ADAMTS6: variants seen among roughly 807,000 people sequenced by gnomAD.
ADAMTS6 encodes ADAM metallopeptidase with thrombospondin type 1 motif 6.
In ADAMTS6, 23 loss-of-function variants were observed where a neutral mutation model predicts 144.3. The observed-to-expected ratio is 0.16, with a 90% CI of 0.11 to 0.23. The LOEUF (loss-of-function observed/expected upper bound fraction) is 0.23. Among genes scored for constraint, ADAMTS6 ranks in the 10% least tolerant of loss-of-function variants. The probability of loss-of-function intolerance (pLI) is 1.00; values close to 1 mark genes in which losing one functional copy is unlikely to be tolerated. For missense variants in ADAMTS6, 999 were observed against 1,379.6 expected (o/e 0.72, Z 4.37); for synonymous variants, 444 against 457.5 (o/e 0.97, Z 0.38).
At chr5:65,303,022 A>G (rs369786349) in intron 9 of ADAMTS6, among the ~76,000 whole-genome samples, 85 of 152,274 alleles carry the variant, frequency 5.6e-4, no homozygotes, top group African/African-American at 2.0e-3. Flanking sequence ...TTGGAATATA[A>G]AAACATGGTG....
At chr5:65,413,260 C>A (rs1215295611) in intron 7 of ADAMTS6, among the ~76,000 whole-genome samples, 1 of 152,070 alleles carries the variant, frequency 6.6e-6, no homozygotes, top group Non-Finnish European at 1.5e-5. Context: ...AAATTTCTTT[C>A]CACTTTCAAG....
chr5:65,182,334 C>T (rs1203085597), intron 22 of ADAMTS6, among the ~76,000 whole-genome samples: 1 of 150,772 alleles, frequency 6.6e-6, no homozygotes, highest in Non-Finnish European at 1.5e-5. Context: ...GCCTGTACTC[C>T]TAGCTATTTG....
intron 22 of ADAMTS6, among the ~76,000 whole-genome samples, chr5:65,186,879 C>CT (rs1270934787): frequency 6.6e-6 from 1 of 152,228 alleles, no homozygotes; most frequent in Non-Finnish European, 1.5e-5. Context: ...AGAATCTCCA[C>CT]TTCCATGTAC....
intron 5 of ADAMTS6, among the ~76,000 whole-genome samples, 159 bp from the exon 6 acceptor site, chr5:65,452,375 GTTTTTA>G (rs1758823191): frequency 6.6e-6 from 1 of 150,754 alleles, no homozygotes; most frequent in Admixed American, 6.6e-5. Context: ...TTGGTAAAAG[GTTTTTA>G]TACAAGTCTA....
chr5:65,277,611 C>A (rs1338636324), intron 11 of ADAMTS6, among the ~76,000 whole-genome samples: 1 of 151,342 alleles, frequency 6.6e-6, no homozygotes, highest in Non-Finnish European at 1.5e-5. Context: ...AATGGACTGT[C>A]CTTATTTGTT....
At chr5:65,354,544 T>C (rs1749149305) in intron 7 of ADAMTS6, among the ~76,000 whole-genome samples, 1 of 151,880 alleles carries the variant, frequency 6.6e-6, no homozygotes, top group Non-Finnish European at 1.5e-5. Flanking sequence ...GTTTGTAAGC[T>C]AATTTATTAG....
intron 14 of ADAMTS6, among the ~76,000 whole-genome samples, chr5:65,248,441 A>G (rs1310940064): frequency 6.6e-6 from 1 of 152,060 alleles, no homozygotes; most frequent in South Asian, 2.1e-4. Flanking sequence ...TATGCCTTAA[A>G]TAGTCTGAAT....
chr5:65,188,192 T>C lies in ADAMTS6; in HGVS notation c.2734A>G (p.Ser912Gly), dbSNP rs1561261968. The C allele has an allele frequency of 6.2e-7, 1 of 1,614,050 alleles. No homozygotes were observed. Reference protein sequence around the residue: ...EWFIGDWLECSKTCDGGMRTR... With the variant: ...EWFIGDWLECGKTCDGGMRTR... Reference sequence around the variant, plus strand: ...CGCATCCCACCATCACAAGTCTTGCTGCATTCCAACCAATCCCCAATGAAC... The same window carrying C: ...CGCATCCCACCATCACAAGTCTTGCCGCATTCCAACCAATCCCCAATGAAC... Residue 912 changes from serine to glycine, a missense_variant, in exon 22 of 25, where the codon AGC (serine) becomes GGC (glycine). Physicochemically the swap from Ser to Gly is moderately conservative, Grantham distance 56. This residue lies in a region of ADAMTS6 where 619 missense variants were observed against 837.0 expected (regional missense o/e 0.74). Coordinates refer to ENST00000381055, the MANE Select transcript of ADAMTS6 (RefSeq NM_197941.4).
At chr5:65,202,120 T>C (rs1160260873) in intron 20 of ADAMTS6, among the ~76,000 whole-genome samples, 2 of 152,178 alleles carry the variant, frequency 1.3e-5, no homozygotes, top group Non-Finnish European at 2.9e-5. Flanking sequence ...ACTCCACTCA[T>C]ATGGTTCCTT....
At chr5:65,269,414 G>A (rs1354926673) in intron 12 of ADAMTS6, among the ~76,000 whole-genome samples, 2 of 152,058 alleles carry the variant, frequency 1.3e-5, no homozygotes, top group Non-Finnish European at 2.9e-5. Flanking sequence ...ACTGTTTACA[G>A]GTAGAAAAAT....
intron 7 of ADAMTS6, among the ~76,000 whole-genome samples, chr5:65,430,137 T>A (rs2150214292): frequency 6.7e-6 from 1 of 150,102 alleles, no homozygotes; most frequent in Non-Finnish European, 1.5e-5. Context: ...GCGAAGTTAA[T>A]TTAAATAACA....
intron 7 of ADAMTS6, among the ~76,000 whole-genome samples, chr5:65,408,765 C>A (rs1027299602): frequency 2.0e-5 from 3 of 152,168 alleles, no homozygotes; most frequent in African/African-American, 7.2e-5. Context: ...CATTCCTCAG[C>A]AAATGAAAAA....
At chr5:65,409,298 T>C (rs1468695255) in intron 7 of ADAMTS6, among the ~76,000 whole-genome samples, 1 of 151,288 alleles carries the variant, frequency 6.6e-6, no homozygotes, top group Non-Finnish European at 1.5e-5. Context: ...ATAGACGCAA[T>C]AAAAAATGAT....
intron 7 of ADAMTS6, among the ~76,000 whole-genome samples, chr5:65,425,906 G>A (rs1313227195): frequency 6.6e-6 from 1 of 151,912 alleles, no homozygotes; most frequent in Non-Finnish European, 1.5e-5. Context: ...TGGGACTACA[G>A]GCGCCCACCA....
At chr5:65,403,772 A>G (rs1415578597) in intron 7 of ADAMTS6, among the ~76,000 whole-genome samples, 1 of 152,086 alleles carries the variant, frequency 6.6e-6, no homozygotes, top group Non-Finnish European at 1.5e-5. Context: ...TATACAAATA[A>G]TATAACTCTC....
chr5:65,301,293 T>C (rs1743348630), intron 9 of ADAMTS6, among the ~76,000 whole-genome samples: 1 of 152,224 alleles, frequency 6.6e-6, no homozygotes, highest in Non-Finnish European at 1.5e-5. Flanking sequence ...GAAGTTTTGG[T>C]TGAATATTAC....
intron 10 of ADAMTS6, among the ~76,000 whole-genome samples, 171 bp from the exon 11 acceptor site, chr5:65,291,641 A>G (rs1012311513): frequency 6.6e-6 from 1 of 152,226 alleles, no homozygotes; most frequent in African/African-American, 2.4e-5. Context: ...AAACCTGAAT[A>G]AGAGCTCCAA....
At chr5:65,369,972 C>T (rs1026401130) in intron 7 of ADAMTS6, among the ~76,000 whole-genome samples, 1 of 151,500 alleles carries the variant, frequency 6.6e-6, no homozygotes, top group Non-Finnish European at 1.5e-5. Context: ...TCCTTTATTT[C>T]CTAGGGAAAT....
chr5:65,224,694 T>C (rs527493787), intron 17 of ADAMTS6, among the ~76,000 whole-genome samples: 7 of 152,316 alleles, frequency 4.6e-5, no homozygotes, highest in African/African-American at 1.7e-4. Context: ...TGTGAGAATG[T>C]ACACCTTTAA....
Sources: gnomAD v4.1 joint callset for allele counts (sites outside exome capture counted in the v4.1 genomes callset) on GRCh38, gnomAD v4.1.1 for gene constraint, gnomAD v4.1.1 regional missense constraint, MANE v1.5 for transcripts, NCBI Gene and HGNC (gene_info 2026-07-23, HGNC 2026-07-21) for gene names.